Variants in LZTS1 observed in about 807,000 individuals in gnomAD.
LZTS1 encodes the protein leucine zipper tumor suppressor 1.
LZTS1 carries 31 observed loss-of-function variants against 45.8 expected under a neutral mutation model. The ratio of observed to expected loss-of-function variants is 0.68; its 90% confidence interval spans 0.51 to 0.91. The LOEUF (loss-of-function observed/expected upper bound fraction) is 0.91, where lower values mean the gene tolerates loss of function less well. LZTS1 is among the 40% of genes least tolerant of loss of function. The pLI, the probability that LZTS1 is intolerant of heterozygous loss-of-function variation, is 0.00. For missense variants in LZTS1, 821 were observed against 788.9 expected, an observed-to-expected ratio of 1.04 and a Z score of -0.49; for synonymous variants, 359 against 357.3, an observed-to-expected ratio of 1.00 and a Z score of -0.05.
chr8:20,280,993 C>T (rs1259972735), intron 1 of LZTS1, among the ~76,000 whole-genome samples: 1 of 152,214 alleles, frequency 6.6e-6, no homozygotes, highest in Non-Finnish European at 1.5e-5. Context: ...AAATCATTCC[C>T]CAGGGCCTGG....
chr8:20,255,020 C>T lies in LZTS1; in HGVS notation c.162G>A (p.Lys54=). Residue 54 remains lysine (K), a synonymous_variant, in exon 2 of 4, where the codon AAG becomes AAA. Coordinates refer to ENST00000381569, the MANE Select transcript of LZTS1 (RefSeq NM_021020.5). ...FGFSQDSGHG[K]SSSKMGKSED... ...CGCTCTTGCCCATTTTGGAGCTGGA[C>T]TTGCCGTGACCGGAGTCCTGGGAGA... 6.2e-7 allele frequency: 1 copy of T among 1,614,230 alleles called. No homozygotes were observed. The highest frequency in any genetic ancestry group is 8.5e-7 in the Non-Finnish European group (1 of 1,180,052).
rs1398740262 is a variant in LZTS1, at chr8:20,255,148, T to C, written c.34A>G (p.Ser12Gly). 3.1e-6 allele frequency: 5 copies of C among 1,613,768 alleles called. No individual in the cohort carries two copies. The highest frequency in any genetic ancestry group is 2.7e-5 in the African/African-American group (2 of 74,918). The change falls in exon 2 of 4, where the codon AGC becomes GGC. Residue 12 changes from serine (S) to glycine (G), a missense_variant. Ser to Gly is a moderately conservative substitution (Grantham distance 56). Coordinates refer to ENST00000381569, the MANE Select transcript of LZTS1 (RefSeq NM_021020.5). ...GCCCGGCAGTGCTTGCTGTGGAAGC[T>C]GTGGCCGGAGATGAGGCTACTGACG... Reference protein sequence around the residue: ...GSVSSLISGHSFHSKHCRASQ... With the variant: ...GSVSSLISGHGFHSKHCRASQ...
At chr8:20,269,411 G>C (rs1420302123) in intron 1 of LZTS1, among the ~76,000 whole-genome samples, 3 of 152,208 alleles carry the variant, frequency 2.0e-5, no homozygotes, top group Admixed American at 2.0e-4. Flanking sequence ...CAGCATGTTG[G>C]GGGCAGATGG....
At chr8:20,257,292 G>A (rs1210471096) in intron 1 of LZTS1, among the ~76,000 whole-genome samples, 1 of 152,240 alleles carries the variant, frequency 6.6e-6, no homozygotes, top group South Asian at 2.1e-4. Flanking sequence ...CCCAGGAGGC[G>A]GAGGTTGCAG....
Position 20,250,088 on chromosome 8 carries a change from C to T in LZTS1, c.1425G>A (p.Leu475=). Residue 475 remains leucine (L), a synonymous_variant, in exon 4 of 4, where the codon CTG becomes CTA. Transcript: ENST00000381569. The part of the protein sequence containing the change: ...REKVNLLEQE[L]QELRAQAALA... ...GGGCGGCCTGGGCCCGCAGCTCCTG[C>T]AGCTCCTGCTCCAGCAGGTTCACCT... 1 of 1,607,178 alleles carries T rather than the reference C, an allele frequency of 6.2e-7. No homozygotes were observed. The highest frequency in any genetic ancestry group is 8.5e-7 in the Non-Finnish European group (1 of 1,179,342).
At chr8:20,274,796 C>G (rs539132117) in intron 1 of LZTS1, among the ~76,000 whole-genome samples, 1 of 152,136 alleles carries the variant, frequency 6.6e-6, no homozygotes, top group African/African-American at 2.4e-5. Context: ...GGAAAGTCCT[C>G]GTAAAGCGGG....
intron 1 of LZTS1, among the ~76,000 whole-genome samples, chr8:20,266,934 C>T (rs1005690465): frequency 6.6e-6 from 1 of 151,636 alleles, no homozygotes; most frequent in Admixed American, 6.6e-5. Flanking sequence ...ATGGTGAAAC[C>T]CTGTCTCTAC....
At chr8:20,273,769 G>GTT in intron 1 of LZTS1, among the ~76,000 whole-genome samples, 1 of 87,338 alleles carries the variant, frequency 1.1e-5, no homozygotes, top group Non-Finnish European at 2.8e-5. Flanking sequence ...TAATAGACCT[G>GTT]TTATATTTGT....
chr8:20,293,449 C>T (rs1330402997), intron 1 of LZTS1, among the ~76,000 whole-genome samples: 1 of 152,208 alleles, frequency 6.6e-6, no homozygotes, highest in Non-Finnish European at 1.5e-5. Context: ...TTCTCCAGCT[C>T]TGTATCTTCC....
At chr8:20,270,182 T>C (rs1280291153) in intron 1 of LZTS1, among the ~76,000 whole-genome samples, 2 of 152,254 alleles carry the variant, frequency 1.3e-5, no homozygotes, top group Non-Finnish European at 2.9e-5. Flanking sequence ...GTAGGTGGCA[T>C]GTCCTAGGCC....
At position 20,303,818 on chromosome 8, in the gene LZTS1, C is replaced by T. The variant is rs77646768; in HGVS notation, c.-213G>A. 0.032 allele frequency: 31,089 copies of T among 983,878 alleles called. 554 individuals are homozygous for T. Among genetic ancestry groups the T allele is most frequent in the Non-Finnish European group, 0.035 (29,360 of 829,478 alleles). The allele number at this position is 983,878 out of a possible 1,614,324, so 60.9% of individuals were successfully genotyped here. On this transcript the variant is annotated 5_prime_UTR_variant, in exon 1 of 4. Transcript: ENST00000381569. ...CCGGTGTGTTCCCGTCTCTCTTTTT[C>T]CAGAGCTGCTGAGCGGGCCGGGCCG...
chr8:20,252,722 AG>A (rs1799961538), intron 3 of LZTS1, 59 bp downstream of exon 3: 29 of 1,407,670 alleles, frequency 2.1e-5, no homozygotes, highest in Non-Finnish European at 2.5e-5. Flanking sequence ...CCAGAAGGAG[AG>A]GGGGGTACTG....
intron 1 of LZTS1, among the ~76,000 whole-genome samples, chr8:20,286,607 A>C (rs1800795915): frequency 6.6e-6 from 1 of 152,198 alleles, no homozygotes; most frequent in Non-Finnish European, 1.5e-5. Context: ...GTGTCTATCC[A>C]AGTTGAACAC....
At position 20,249,512 on chromosome 8, in the gene LZTS1, G is replaced by T. The variant is rs993165477; in HGVS notation, c.*210C>A. On this transcript the variant is annotated 3_prime_UTR_variant, in exon 4 of 4. Transcript: ENST00000381569. ...TCCTGGGAAAGCCAGAGGAGTCAGG[G>T]CCTGACGTCTGGTGGGCTGCAGGGC... 5 of 618,102 alleles carry T rather than the reference G, an allele frequency of 8.1e-6. No homozygotes were observed. The highest frequency in any genetic ancestry group is 3.7e-5 in the African/African-American group (2 of 54,164). 38.3% of individuals were successfully genotyped at this position (618,102 alleles called of 1,614,324 possible). A position where few individuals can be genotyped will look rare whatever the true frequency, so the allele number is the denominator to read the frequency against.
intron 1 of LZTS1, among the ~76,000 whole-genome samples, chr8:20,301,496 C>T (rs1392543971): frequency 1.3e-5 from 2 of 152,180 alleles, no homozygotes; most frequent in African/African-American, 4.8e-5. Context: ...GTCATCATTA[C>T]ATTATTCATC....
intron 1 of LZTS1, among the ~76,000 whole-genome samples, chr8:20,264,158 A>G (rs1461597496): frequency 6.6e-6 from 1 of 152,194 alleles, no homozygotes; most frequent in African/African-American, 2.4e-5. Context: ...TGTCATATAT[A>G]TCATTCTGCA....
rs1799963139 is a variant in LZTS1, at chr8:20,252,769, T to C, written c.1149+13A>G. On this transcript the variant is annotated intron_variant, in intron 3 of 3. Coordinates refer to ENST00000381569, the MANE Select transcript of LZTS1 (RefSeq NM_021020.5). ...GCTGACCACCCAAACCCATGAGCCC[T>C]GTGTGGCCTCACCTCCCACTGGGTC... 2.7e-6 allele frequency: 4 copies of C among 1,507,498 alleles called. No homozygotes were observed. The highest frequency in any genetic ancestry group is 1.4e-5 in the South Asian group (1 of 73,816). The allele number at this position is 1,507,498 out of a possible 1,614,324, so 93.4% of individuals were successfully genotyped here.
At chr8:20,259,803 T>C (rs1800186511) in intron 1 of LZTS1, among the ~76,000 whole-genome samples, 2 of 152,074 alleles carry the variant, frequency 1.3e-5, no homozygotes, top group African/African-American at 2.4e-5. Context: ...CAGTTAATCT[T>C]GAAACCCTTG....
At chr8:20,267,327 C>T (rs1020681338) in intron 1 of LZTS1, among the ~76,000 whole-genome samples, 3 of 151,742 alleles carry the variant, frequency 2.0e-5, no homozygotes, top group Admixed American at 6.6e-5. Flanking sequence ...AGCAGAGGTG[C>T]GGGAGTTGGG....
Sources: allele counts gnomAD v4.1 joint callset (sites outside exome capture counted in the v4.1 genomes callset), GRCh38; gene constraint gnomAD v4.1.1; transcripts MANE v1.5; gene names NCBI Gene and HGNC (gene_info 2026-07-23, HGNC 2026-07-21).